Variants in ZNF440 observed in about 807,000 individuals in gnomAD.
ZNF440 encodes the protein zinc finger protein 440.
Under a neutral mutation model 49.7 loss-of-function variants are expected in ZNF440, and 47 were observed. The ratio of observed to expected loss-of-function variants is 0.95; its 90% CI spans 0.75 to 1.21. ZNF440 has a LOEUF of 1.21. Ranked by LOEUF, ZNF440 falls within the 50% of genes most tolerant of loss-of-function variation. The pLI is 0.00. For missense variants in ZNF440, 703 were observed against 715.0 expected (o/e 0.98, Z 0.19); for synonymous variants, 255 against 237.7 (o/e 1.07, Z -0.67).
chr19:11,819,995 C>T (rs568827970), intron 1 of ZNF440, among the ~76,000 whole-genome samples: 10 of 152,272 alleles, frequency 6.6e-5, no homozygotes, highest in African/African-American at 2.4e-4. Context: ...CACCCTCATA[C>T]CACAGCCTGA....
chr19:11,821,729 T>A (rs538767122), intron 1 of ZNF440, among the ~76,000 whole-genome samples: 24 of 152,360 alleles, frequency 1.6e-4, no homozygotes, highest in African/African-American at 4.3e-4. Context: ...GCACGGCCCC[T>A]CTGTGGGCTT....
chr19:11,815,283 G>C (rs1383366657), intron 1 of ZNF440, among the ~76,000 whole-genome samples: 2 of 43,114 alleles, frequency 4.6e-5, no homozygotes, highest in Non-Finnish European at 9.9e-5. Flanking sequence ...GGGCAACTCC[G>C]TCACACACAC....
chr19:11,819,586 G>A (rs1599289337), intron 1 of ZNF440, among the ~76,000 whole-genome samples: 1 of 152,074 alleles, frequency 6.6e-6, no homozygotes, highest in Non-Finnish European at 1.5e-5. Flanking sequence ...ATTAGTAAAG[G>A]TGGGGGTTTC....
rs2145131453 is a variant in ZNF440 at position 11,831,485 on chromosome 19, A to G, written c.309A>G (p.Val103=). The G allele has an allele frequency of 6.2e-7, 1 of 1,614,024 alleles. No homozygotes were observed. Among genetic ancestry groups the G allele is most frequent in the East Asian group, 2.2e-5 (1 of 44,876 alleles). The change falls in exon 4 of 4, where the codon GTA becomes GTG. Residue 103 remains valine, a synonymous_variant. Transcript: ENST00000304060. ...AGGAGAAGAAAGCTTCTCCTGAAGT[A>G]AAATCATGTGAAAGCTTTGTGTGTG... The part of the protein sequence containing the change: ...NFQEKKASPE[V]KSCESFVCGE...
In ZNF440 at chr19:11,832,671, C is replaced by G. The variant is rs780418974; in HGVS notation, c.1495C>G (p.Pro499Ala). ...KQRSVVPSVV[P>A]VPFDIMKGLT... is the part of the protein sequence containing the mutation. ...ACGTTCAGTAGTTCCTTCAGTAGTTCCAGTTCCTTTTGATATCATGAAAGG... is the reference window on the plus strand; with the variant it reads ...ACGTTCAGTAGTTCCTTCAGTAGTTGCAGTTCCTTTTGATATCATGAAAGG... Residue 499 changes from proline (P) to alanine (A), a missense_variant, in exon 4 of 4, where the codon CCA becomes GCA. Transcript: ENST00000304060. 4 of 1,613,746 alleles carry G rather than the reference C, an allele frequency of 2.5e-6. No individual in the cohort carries two copies. Among genetic ancestry groups the G allele is most frequent in the Non-Finnish European group, 2.5e-6 (3 of 1,179,898 alleles).
chr19:11,833,744 A>G lies in ZNF440; in HGVS notation c.*780A>G, dbSNP rs1975983780. ...CTCACACTGGAGAGAAGCCCTATGA[A>G]TATAAGCAATGTGGGAAAGCCTTCA... On this transcript the variant is annotated 3_prime_UTR_variant, in exon 4 of 4. Coordinates refer to ENST00000304060, the MANE Select transcript of ZNF440 (RefSeq NM_152357.3). 8 of 798,862 alleles carry G rather than the reference A, an allele frequency of 1.0e-5. No homozygotes were observed. The highest frequency in any genetic ancestry group is 3.9e-5 in the East Asian group (1 of 25,926). 49.5% of individuals were successfully genotyped at this position (798,862 alleles called of 1,614,324 possible).
chr19:11,823,979 A>T (rs1353414357), intron 1 of ZNF440, among the ~76,000 whole-genome samples: 1 of 151,978 alleles, frequency 6.6e-6, no homozygotes, highest in Admixed American at 6.6e-5. Flanking sequence ...ATAAAAAAAA[A>T]ATGAAGAGAT....
intron 1 of ZNF440, among the ~76,000 whole-genome samples, chr19:11,822,110 T>C (rs1340434122): frequency 6.6e-6 from 1 of 152,174 alleles, no homozygotes; most frequent in Non-Finnish European, 1.5e-5. Context: ...TTCTGTGAAG[T>C]CGCACTGTGA....
chr19:11,817,263 C>T (rs754977429), intron 1 of ZNF440: 1 of 152,134 alleles, frequency 6.6e-6, no homozygotes, highest in South Asian at 2.1e-4. Context: ...GGAAGGAATT[C>T]AAGACGAGTC....
At chr19:11,814,474 C>A in intron 1 of ZNF440, 24 bp downstream of exon 1, 1 of 1,511,160 alleles carries the variant, frequency 6.6e-7, no homozygotes, top group South Asian at 1.3e-5. Context: ...GGCTGGCGTC[C>A]GGGCGACTGG....
At chr19:11,825,996 G>A (rs546547303) in intron 1 of ZNF440, among the ~76,000 whole-genome samples, 102 of 151,742 alleles carry the variant, frequency 6.7e-4, no homozygotes, top group Non-Finnish European at 1.3e-3. Context: ...TGTATTTTTA[G>A]TAGAGACGGG....
chr19:11,832,584 C>T lies in ZNF440; in HGVS notation c.1408C>T (p.Pro470Ser). ...CKICGKGFYC[P>S]KSFQRHEKTH... is the part of the protein sequence containing the mutation. The stretch of plus-strand genomic sequence containing the variant: ...GATATGTGGGAAAGGCTTTTATTGT[C>T]CCAAATCATTTCAAAGACATGAAAA... Residue 470 changes from proline to serine, a missense_variant, in exon 4 of 4, where the codon CCC becomes TCC. By Grantham distance (74) the Pro-to-Ser change is moderately conservative. Transcript: ENST00000304060. The T allele has an allele frequency of 6.2e-6, 10 of 1,612,818 alleles. No individual in the cohort carries two copies. Among genetic ancestry groups the T allele is most frequent in the Non-Finnish European group, 8.5e-6 (10 of 1,179,698 alleles).
chr19:11,832,954 A>C lies in ZNF440; in HGVS notation c.1778A>C (p.Lys593Thr). 1 of 1,609,136 alleles carries C rather than the reference A, an allele frequency of 6.2e-7. No individual in the cohort carries two copies. Among genetic ancestry groups the C allele is most frequent in the Non-Finnish European group, 8.5e-7 (1 of 1,178,794 alleles). Residue 593 changes from lysine (K) to threonine (T), a missense_variant, in exon 4 of 4, where the codon AAA (lysine) becomes ACA (threonine). Lys to Thr is a moderately conservative substitution (Grantham distance 78). Transcript: ENST00000304060. ...ACCTTCGAATTCATGAAAGGACACA[A>C]ACACACATAATGCACTCTGTAGAGA... is the stretch of plus-strand genomic sequence containing the variant. ...PRTFEFMKGH[K>T]HT is the part of the protein sequence containing the mutation.
At chr19:11,825,903 C>T (rs987127410) in intron 1 of ZNF440, among the ~76,000 whole-genome samples, 1 of 150,762 alleles carries the variant, frequency 6.6e-6, no homozygotes, top group African/African-American at 2.4e-5. Context: ...GCACCCTCCA[C>T]CTCCCAGGTT....
At chr19:11,830,785 T>G (rs1975927298) in intron 3 of ZNF440, 108 bp downstream of exon 3, 1 of 1,388,952 alleles carries the variant, frequency 7.2e-7, no homozygotes, top group African/African-American at 1.5e-5. Flanking sequence ...TCAAATTCAT[T>G]TATTTTTAGA....
At chr19:11,824,503 T>G (rs954753234) in intron 1 of ZNF440, among the ~76,000 whole-genome samples, 1 of 152,206 alleles carries the variant, frequency 6.6e-6, no homozygotes, top group African/African-American at 2.4e-5. Flanking sequence ...ATGTTTTTTA[T>G]GCAAATGATA....
Position 11,830,577 on chromosome 19 carries a change from A to G in ZNF440, c.131-40A>G, listed in dbSNP as rs147254775. On this transcript the variant is annotated intron_variant, in intron 2 of 3. Transcript: ENST00000304060. ...AATCTAATAATTTTTTCACAATTTT[A>G]TACTGCCTCAGGACTATTTTTTCTG... is the stretch of plus-strand genomic sequence containing the variant. The G allele has an allele frequency of 1.7e-5, 28 of 1,606,478 alleles. No individual in the cohort carries two copies. In the African/African-American group the frequency reaches 2.7e-4, roughly 15 times the overall value.
intron 1 of ZNF440, among the ~76,000 whole-genome samples, chr19:11,821,190 G>T (rs1470730294): frequency 6.6e-6 from 1 of 152,112 alleles, no homozygotes; most frequent in Non-Finnish European, 1.5e-5. Flanking sequence ...TGGCAGAATT[G>T]GGGTGACCTA....
chr19:11,832,918 A>G lies in ZNF440; in HGVS notation c.1742A>G (p.Asp581Gly), dbSNP rs1234223588. 6.2e-7 allele frequency: 1 copy of G among 1,612,178 alleles called. No individual in the cohort carries two copies. The highest frequency in any genetic ancestry group is 1.3e-5 in the African/African-American group (1 of 74,706). The change falls in exon 4 of 4, where the codon GAT (aspartate) becomes GGT (glycine). Residue 581 changes from aspartate (D) to glycine (G), a missense_variant. Asp to Gly is a moderately conservative substitution (Grantham distance 94, BLOSUM62 -1). Transcript: ENST00000304060. ...GTAAGGAATGTGGGAAACCCTTCGGATCTGCCCAGAACCTTCGAATTCATG... is the reference window on the plus strand; with the variant it reads ...GTAAGGAATGTGGGAAACCCTTCGGGTCTGCCCAGAACCTTCGAATTCATG... ...MHVRNVGNPS[D>G]LPRTFEFMKG...
Sources: gnomAD v4.1 joint callset for allele counts (sites outside exome capture counted in the v4.1 genomes callset) on GRCh38, gnomAD v4.1.1 for gene constraint, MANE v1.5 for transcripts, NCBI Gene and HGNC (gene_info 2026-07-23, HGNC 2026-07-21) for gene names.